Variants in PRKN observed in about 807,000 individuals in gnomAD.
PRKN encodes E3 ubiquitin-protein ligase parkin.
In PRKN, 56 loss-of-function variants were observed where a neutral mutation model predicts 59.5. That is an observed-to-expected ratio of 0.94 (90% CI 0.76 to 1.18). PRKN has a LOEUF of 1.18. PRKN is among the 50% of genes most tolerant of loss of function. The pLI is 0.00. For missense variants in PRKN, 657 were observed against 596.4 expected, an observed-to-expected ratio of 1.10 and a Z score of -1.06; for synonymous variants, 250 against 222.1, an observed-to-expected ratio of 1.13 and a Z score of -1.12.
intron 2 of PRKN, among the ~76,000 whole-genome samples, chr6:162,338,397 C>G (rs1313242599): frequency 6.6e-6 from 1 of 151,940 alleles, no homozygotes; most frequent in African/African-American, 2.4e-5. Context: ...CGAGTGCCTG[C>G]TACTGCAGGC....
intron 5 of PRKN, among the ~76,000 whole-genome samples, chr6:162,053,497 G>T (rs1012363680): frequency 6.6e-6 from 1 of 152,016 alleles, no homozygotes. Context: ...CAGAGCTTAG[G>T]GGTTCTTTCA....
At chr6:161,777,851 T>A (rs1790017119) in intron 7 of PRKN, among the ~76,000 whole-genome samples, 1 of 145,428 alleles carries the variant, frequency 6.9e-6, no homozygotes, top group African/African-American at 2.5e-5. Context: ...TATATGTATA[T>A]ATGTGTATAT....
At chr6:161,474,054 C>T (rs1308081483) in intron 9 of PRKN, among the ~76,000 whole-genome samples, 1 of 152,142 alleles carries the variant, frequency 6.6e-6, no homozygotes, top group Non-Finnish European at 1.5e-5. Flanking sequence ...AGAGCATCTG[C>T]TACCAAGAAA....
At chr6:162,267,792 A>G (rs1184502097) in intron 2 of PRKN, among the ~76,000 whole-genome samples, 1 of 152,170 alleles carries the variant, frequency 6.6e-6, no homozygotes, top group East Asian at 1.9e-4. Flanking sequence ...CAGTATTAAC[A>G]AAACATCCAT....
intron 7 of PRKN, among the ~76,000 whole-genome samples, chr6:161,703,839 CTTTTTTTTTT>C (rs71004062): frequency 5.2e-4 from 31 of 59,860 alleles, no homozygotes; most frequent in Admixed American, 7.3e-4. Flanking sequence ...CTCTCTCTCT[CTTTTTTTTTT>C]TTTTTTTTTT....
Position 161,483,354 on chromosome 6 carries a change from C to T in PRKN, c.1083+65500G>A, listed in dbSNP as rs1046397736. 7.2e-5 allele frequency among the ~76,000 whole-genome samples: 11 copies of T among 152,106 alleles called. No homozygotes were observed. Among genetic ancestry groups the T allele is most frequent in the South Asian group, 2.1e-4 (1 of 4,818 alleles). ...AAAAATGTTTCACAGTGCTCCATGT[C>T]GGCTTCCCCCTGAAAATCCATGATA... On this transcript the variant is annotated intron_variant, in intron 9 of 11. Coordinates refer to ENST00000366898, the MANE Select transcript of PRKN (RefSeq NM_004562.3). The surrounding 1 kb of genome is among the most constrained non-coding windows in gnomAD (Gnocchi z 5.0).
chr6:162,720,704 C>T (rs1323868887), intron 1 of PRKN, among the ~76,000 whole-genome samples: 1 of 151,942 alleles, frequency 6.6e-6, no homozygotes, highest in Non-Finnish European at 1.5e-5. Flanking sequence ...CCCGCCTCGG[C>T]CTCCCAAGGT....
chr6:161,408,008 C>T (rs1360119658), intron 9 of PRKN, among the ~76,000 whole-genome samples: 1 of 152,182 alleles, frequency 6.6e-6, no homozygotes, highest in Non-Finnish European at 1.5e-5. Flanking sequence ...AGCCCACTTG[C>T]ACCCAAGTGA....
At chr6:161,598,798 G>A (rs991652753) in intron 7 of PRKN, among the ~76,000 whole-genome samples, 1 of 152,138 alleles carries the variant, frequency 6.6e-6, no homozygotes, top group Non-Finnish European at 1.5e-5. Flanking sequence ...TGGATGTTGG[G>A]TGGCCATGGA....
In PRKN at chr6:161,484,508, T is replaced by C. The variant is rs576126057; in HGVS notation, c.1083+64346A>G. Among the ~76,000 whole-genome samples, 4 of 152,258 alleles carry C rather than the reference T, an allele frequency of 2.6e-5. No individual in the cohort carries two copies. Among genetic ancestry groups the C allele is most frequent in the South Asian group, 2.1e-4 (1 of 4,818 alleles). On this transcript the variant is annotated intron_variant, in intron 9 of 11. Transcript: ENST00000366898. The surrounding 1 kb of genome is among the most constrained non-coding windows in gnomAD (Gnocchi z 4.9). ...TTACAACCATCTTTGCCCTGTGAAA[T>C]AGGACATGGGATTCACTCTTTTTAA...
chr6:162,692,388 T>C (rs1207780786), intron 1 of PRKN, among the ~76,000 whole-genome samples: 3 of 152,100 alleles, frequency 2.0e-5, no homozygotes, highest in African/African-American at 7.2e-5. Flanking sequence ...AGAGTTTGCT[T>C]TTCTACCTGG....
chr6:161,857,001 A>C (rs1793683854), intron 6 of PRKN, among the ~76,000 whole-genome samples: 4 of 60,926 alleles, frequency 6.6e-5, no homozygotes, highest in Admixed American at 4.7e-4. Flanking sequence ...AGGCTGAGGC[A>C]GGTGGATCAC....
intron 7 of PRKN, among the ~76,000 whole-genome samples, chr6:161,634,313 C>T (rs1175572352): frequency 2.0e-5 from 3 of 152,188 alleles, no homozygotes; most frequent in East Asian, 1.9e-4. Flanking sequence ...AGCAGGGCAG[C>T]GGGAGGGCCT....
chr6:162,517,238 A>G lies in PRKN; in HGVS notation c.8-73765T>C, dbSNP rs113276152. 4.4e-3 allele frequency among the ~76,000 whole-genome samples: 665 copies of G among 150,846 alleles called. 6 individuals carry two copies. Among genetic ancestry groups the G allele is most frequent in the Non-Finnish European group, 7.5e-3 (506 of 67,734 alleles). On this transcript the variant is annotated intron_variant, in intron 1 of 11. Transcript: ENST00000366898. ...GGGTGGGGTGGGGGAGGGCTGGGGT[A>G]GAACCCAGGCATTTTTTTTTTTTTT... is the stretch of plus-strand genomic sequence containing the variant.
intron 4 of PRKN, among the ~76,000 whole-genome samples, chr6:162,128,189 A>C (rs573566711): frequency 5.8e-4 from 89 of 152,340 alleles, no homozygotes; most frequent in African/African-American, 1.9e-3. Flanking sequence ...TCTTCTGTTC[A>C]CAACAGCATT....
chr6:162,540,509 A>G (rs989916033), intron 1 of PRKN, among the ~76,000 whole-genome samples: 14 of 152,154 alleles, frequency 9.2e-5, no homozygotes, highest in African/African-American at 2.9e-4. Flanking sequence ...AGTTAAAATT[A>G]TAAGAGTATA....
intron 2 of PRKN, among the ~76,000 whole-genome samples, chr6:162,393,162 T>G (rs1388891119): frequency 7.6e-6 from 1 of 130,886 alleles, no homozygotes; most frequent in African/African-American, 2.9e-5. Context: ...ATTCTTTTTT[T>G]TTTTTTTTTT....
At chr6:162,380,894 G>A (rs1369190153) in intron 2 of PRKN, among the ~76,000 whole-genome samples, 3 of 152,034 alleles carry the variant, frequency 2.0e-5, no homozygotes, top group East Asian at 1.9e-4. Context: ...GTCTTTCTGG[G>A]CCACTGTCAA....
intron 1 of PRKN, among the ~76,000 whole-genome samples, chr6:162,560,995 CG>C (rs1237031840): frequency 6.6e-6 from 1 of 151,894 alleles, no homozygotes; most frequent in Non-Finnish European, 1.5e-5. Flanking sequence ...TGAGTTGAGC[CG>C]TAACTGAGGA....
Sources: gnomAD v4.1 joint callset for allele counts (sites outside exome capture counted in the v4.1 genomes callset) on GRCh38, gnomAD v4.1.1 for gene constraint, Gnocchi (gnomAD v3.1) non-coding constraint, MANE v1.5 for transcripts, NCBI Gene and HGNC (gene_info 2026-07-23, HGNC 2026-07-21) for gene names.